Variants in SEPTIN4 observed in about 807,000 individuals in gnomAD.
SEPTIN4 encodes septin-4.
SEPTIN4 carries 52 observed loss-of-function variants against 107.1 expected under a neutral mutation model. That is an observed-to-expected ratio of 0.49 (90% CI 0.39 to 0.61). SEPTIN4 has a LOEUF of 0.61. SEPTIN4 is among the 20% of genes least tolerant of loss of function. The probability of loss-of-function intolerance (pLI) is 0.00; values close to 1 mark genes in which losing one functional copy is unlikely to be tolerated. For synonymous variants in SEPTIN4, 417 were observed against 467.0 expected, an observed-to-expected ratio of 0.89 and a Z score of 1.38; for missense variants, 1,048 against 1,243.5, an observed-to-expected ratio of 0.84 and a Z score of 2.36.
intron 6 of SEPTIN4, 112 bp from the exon 7 acceptor site, chr17:58,525,313 C>T: frequency 7.7e-7 from 1 of 1,297,820 alleles, no homozygotes; most frequent in Non-Finnish European, 1.1e-6. Context: ...ACACTGCCCC[C>T]TTCTCCACTC....
chr17:58,520,562 T>C (rs1365358202), intron 13 of SEPTIN4, 77 bp from the exon 14 acceptor site: 1 of 1,580,558 alleles, frequency 6.3e-7, no homozygotes, highest in Non-Finnish European at 8.7e-7. Context: ...AAATTTCTAA[T>C]CCCTTAAGCC....
In SEPTIN4 at chr17:58,544,322, T is replaced by C; in HGVS notation, c.-136A>G. 1 of 1,219,688 alleles carries C rather than the reference T, an allele frequency of 8.2e-7. No individual in the cohort carries two copies. The highest frequency in any genetic ancestry group is 1.1e-6 in the Non-Finnish European group (1 of 881,398). The allele number at this position is 1,219,688 out of a possible 1,614,324, so 75.6% of individuals were successfully genotyped here. ...GCTCCCACAAAAGTGGCTGTTGTTC[T>C]AAGAGTGTCTCAAATAATCCCCTTA... On this transcript the variant is annotated 5_prime_UTR_variant, in exon 1 of 14. Coordinates refer to ENST00000672673, the MANE Select transcript of SEPTIN4 (RefSeq NM_001368771.2).
chr17:58,536,726 C>G (rs1424586767), intron 3 of SEPTIN4, among the ~76,000 whole-genome samples: 1 of 152,226 alleles, frequency 6.6e-6, no homozygotes, highest in Non-Finnish European at 1.5e-5. Flanking sequence ...GCAGCTGTCT[C>G]CTGCTGCTCC....
chr17:58,526,257 G>A lies in SEPTIN4; in HGVS notation c.1968C>T (p.Ser656=), dbSNP rs199986692. The change falls in exon 5 of 14, where the codon TCC becomes TCT. Residue 656 remains serine (S), a synonymous_variant. Transcript: ENST00000672673. ...ATLPNQVHRK[S]VKKGFDFTLM... ...GGGTAAAGTCAAAGCCTTTCTTCAC[G>A]GACTTTCGGTGGACTTGGTTGGGGA... is the stretch of plus-strand genomic sequence containing the variant. The A allele has an allele frequency of 1.1e-3, 1,725 of 1,604,220 alleles. 20 individuals are homozygous for A. In the South Asian group the frequency reaches 0.018, roughly 17 times the overall value.
intron 13 of SEPTIN4, 97 bp from the exon 14 acceptor site, chr17:58,520,582 G>A: frequency 1.9e-6 from 3 of 1,543,720 alleles, no homozygotes; most frequent in South Asian, 1.1e-5. Context: ...CAGAACCTTG[G>A]TAGCCGTGAG....
At chr17:58,541,338 C>T (rs1272071132) in intron 2 of SEPTIN4, among the ~76,000 whole-genome samples, 2 of 152,178 alleles carry the variant, frequency 1.3e-5, no homozygotes, top group Non-Finnish European at 2.9e-5. Flanking sequence ...CCCAGAGAGG[C>T]CAAGAGTATA....
intron 13 of SEPTIN4, 65 bp from the exon 14 acceptor site, chr17:58,520,550 C>G (rs921507643): frequency 6.3e-7 from 1 of 1,593,350 alleles, no homozygotes; most frequent in African/African-American, 1.3e-5. Flanking sequence ...GGAAAGTGCC[C>G]CAAATTTCTA....
Position 58,541,773 on chromosome 17 carries a change from G to T in SEPTIN4, c.1606+149C>A, listed in dbSNP as rs1447329588. On this transcript the variant is annotated intron_variant, in intron 2 of 13. Transcript: ENST00000672673. The stretch of plus-strand genomic sequence containing the variant: ...ACTCTAATGGTGAAATTTTCAGCAA[G>T]ATGAGAAGTTCCTCTGCTTCTTCAG... 5.0e-6 allele frequency: 8 copies of T among 1,590,698 alleles called. 1 individual carries two copies. In the South Asian group the frequency reaches 9.1e-5, roughly 18 times the overall value.
intron 3 of SEPTIN4, among the ~76,000 whole-genome samples, chr17:58,533,918 C>G (rs1214497036): frequency 1.3e-5 from 2 of 152,186 alleles, no homozygotes; most frequent in Non-Finnish European, 2.9e-5. Context: ...CAGGCCCCAG[C>G]AGAAACCCTT....
chr17:58,526,349 G>C, intron 4 of SEPTIN4, 36 bp from the exon 5 acceptor site: 1 of 1,481,530 alleles, frequency 6.7e-7, no homozygotes, highest in African/African-American at 1.4e-5. Context: ...TCACGGTGAG[G>C]AGCCAAAGGG....
chr17:58,526,625 C>T (rs2144111562), intron 4 of SEPTIN4, 57 bp downstream of exon 4: 4 of 1,520,222 alleles, frequency 2.6e-6, no homozygotes, highest in African/African-American at 2.8e-5. Context: ...CTGCTCCCTG[C>T]CCCCGGTCTT....
At chr17:58,523,979 A>G (rs986333207) in intron 7 of SEPTIN4, among the ~76,000 whole-genome samples, 1 of 152,146 alleles carries the variant, frequency 6.6e-6, no homozygotes, top group African/African-American at 2.4e-5. Flanking sequence ...TGCCTGGCAA[A>G]TGAAATTATT....
chr17:58,540,247 C>T (rs1202947019), intron 3 of SEPTIN4, among the ~76,000 whole-genome samples: 3 of 152,050 alleles, frequency 2.0e-5, no homozygotes, highest in Non-Finnish European at 2.9e-5. Flanking sequence ...TAGTGTGTAA[C>T]CCAAAAAAGC....
intron 3 of SEPTIN4, among the ~76,000 whole-genome samples, chr17:58,536,609 C>T (rs2043720950): frequency 1.3e-5 from 2 of 152,202 alleles, no homozygotes; most frequent in South Asian, 4.1e-4. Flanking sequence ...ACTTTGCCGG[C>T]AGTGGGTGTG....
In SEPTIN4 at chr17:58,522,118, C is replaced by T. The variant is rs1262824962; in HGVS notation, c.2217-17G>A. 6.2e-7 allele frequency: 1 copy of T among 1,613,784 alleles called. No homozygotes were observed. On this transcript the variant is annotated splice_polypyrimidine_tract_variant and intron_variant, in intron 7 of 13. Transcript: ENST00000672673. ...GGCTTCCAGCTGGGGCAGGGACAGACAAGCAGAGAAACTGTGAGAGTGGGA... is the reference window on the plus strand; with the variant it reads ...GGCTTCCAGCTGGGGCAGGGACAGATAAGCAGAGAAACTGTGAGAGTGGGA...
At chr17:58,527,777 C>T (rs2043086951) in intron 3 of SEPTIN4, 4 of 942,780 alleles carry the variant, frequency 4.2e-6, no homozygotes, top group Non-Finnish European at 5.1e-6. Flanking sequence ...CTGACAGCCC[C>T]CAACTGTGAG....
chr17:58,525,102 C>G lies in SEPTIN4; in HGVS notation c.2192G>C (p.Gly731Ala). The G allele has an allele frequency of 6.2e-7, 1 of 1,614,184 alleles. No homozygotes were observed. The highest frequency in any genetic ancestry group is 8.5e-7 in the Non-Finnish European group (1 of 1,180,020). Reference protein sequence around the residue: ...RLTIVDTPGFGDAVNNTECWK... With the variant: ...RLTIVDTPGFADAVNNTECWK... Reference sequence around the variant, plus strand: ...CCACTCTGTGTTGTTGACTGCATCCCCAAAACCTGGTGTGTCCACAATGGT... The same window carrying G: ...CCACTCTGTGTTGTTGACTGCATCCGCAAAACCTGGTGTGTCCACAATGGT... Residue 731 changes from glycine to alanine, a missense_variant, in exon 7 of 14, where the codon GGG becomes GCG. By Grantham distance (60) the Gly-to-Ala change is moderately conservative. Transcript: ENST00000672673.
chr17:58,521,496 C>T lies in SEPTIN4; in HGVS notation c.2571+49G>A, dbSNP rs759690041. On this transcript the variant is annotated intron_variant, in intron 10 of 13. Transcript: ENST00000672673. This position sits in a 1 kb window ranked among gnomAD's most constrained non-coding sequence, Gnocchi z 6.4. ...GAATATAGAATTCTACTCCCTTTTT[C>T]TACCCGGAAGAAATAAGATAGGAAT... 9 of 1,601,902 alleles carry T rather than the reference C, an allele frequency of 5.6e-6. No homozygotes were observed. The highest frequency in any genetic ancestry group is 1.3e-5 in the African/African-American group (1 of 74,608).
In SEPTIN4 at chr17:58,543,218, G is replaced by A. The variant is rs201259635; in HGVS notation, c.969C>T (p.Thr323=). Reference sequence around the variant, plus strand: ...CAACCTCGCTGTTTCCTCGGATTGGGGTCCTCACGTTGGACTCCACCTGTG... The same window carrying A: ...CAACCTCGCTGTTTCCTCGGATTGGAGTCCTCACGTTGGACTCCACCTGTG... ...VSSQVESNVR[T]PIRGNSEVGR... Residue 323 remains threonine (T), a synonymous_variant, in exon 1 of 14, where the codon ACC becomes ACT. Transcript: ENST00000672673. 1,259 of 1,614,122 alleles carry A rather than the reference G, an allele frequency of 7.8e-4. 30 individuals are homozygous for A. In the South Asian group the frequency reaches 0.013, roughly 17 times the overall value.
Sources: gnomAD v4.1 joint callset for allele counts (sites outside exome capture counted in the v4.1 genomes callset) on GRCh38, gnomAD v4.1.1 for gene constraint, Gnocchi (gnomAD v3.1) non-coding constraint, MANE v1.5 for transcripts, NCBI Gene and HGNC (gene_info 2026-07-23, HGNC 2026-07-21) for gene names.